JAK1: variants seen among roughly 807,000 people sequenced by gnomAD.
The protein encoded by JAK1 is tyrosine-protein kinase JAK1.
In JAK1, 16 loss-of-function variants were observed where a neutral mutation model predicts 136.6. The ratio of observed to expected loss-of-function variants is 0.12; its 90% confidence interval spans 0.08 to 0.18. The LOEUF (loss-of-function observed/expected upper bound fraction) is 0.18, where lower values mean the gene tolerates loss of function less well. Ranked by LOEUF, JAK1 falls within the 10% of genes least tolerant of loss-of-function variation. The probability of loss-of-function intolerance (pLI) is 1.00; values close to 1 mark genes in which losing one functional copy is unlikely to be tolerated. For synonymous variants in JAK1, 492 were observed against 519.5 expected, an observed-to-expected ratio of 0.95 and a Z score of 0.72; for missense variants, 859 against 1,450.1, an observed-to-expected ratio of 0.59 and a Z score of 6.62.
At chr1:64,997,516 T>TA (rs34238705) in intron 2 of JAK1, among the ~76,000 whole-genome samples, 2 of 152,008 alleles carry the variant, frequency 1.3e-5, no homozygotes, top group African/African-American at 4.8e-5. Context: ...GGTAGGTGGT[T>TA]AAAAAAAATC....
chr1:64,931,023 G>T (rs1443419989), intron 1 of JAK1, among the ~76,000 whole-genome samples: 11 of 152,042 alleles, frequency 7.2e-5, no homozygotes, highest in African/African-American at 2.7e-4. Flanking sequence ...GGGGTGGGAT[G>T]GCATTAGGAG....
chr1:64,871,146 C>G (rs1224802288), intron 5 of JAK1, among the ~76,000 whole-genome samples: 2 of 152,304 alleles, frequency 1.3e-5, no homozygotes, highest in African/African-American at 4.8e-5. Flanking sequence ...TTTTTCCACA[C>G]AGTATCTGCC....
At chr1:64,846,803 G>T in intron 13 of JAK1, 67 bp from the exon 14 acceptor site, 1 of 1,265,190 alleles carries the variant, frequency 7.9e-7, no homozygotes, top group Non-Finnish European at 1.1e-6. Flanking sequence ...CAGGGGCTCT[G>T]TTGAGGGGAA....
intron 4 of JAK1, among the ~76,000 whole-genome samples, chr1:64,876,966 CTG>C (rs1242341493): frequency 6.6e-6 from 1 of 152,120 alleles, no homozygotes; most frequent in Non-Finnish European, 1.5e-5. Context: ...TTTTAATGGA[CTG>C]TGAAATTCAA....
chr1:64,846,414 TCTTG>T (rs1655233413), intron 14 of JAK1, among the ~76,000 whole-genome samples: 3 of 127,356 alleles, frequency 2.4e-5, no homozygotes. Context: ...AGTGTAGGGT[TCTTG>T]GCCAGCGTTG....
chr1:64,855,465 A>G (rs956824767), intron 11 of JAK1, 44 bp downstream of exon 11: 2 of 1,590,118 alleles, frequency 1.3e-6, no homozygotes, highest in East Asian at 2.2e-5. Flanking sequence ...GTCTCAGCAC[A>G]TTACTGATGG....
chr1:64,876,969 T>C (rs907775135), intron 4 of JAK1, among the ~76,000 whole-genome samples: 1 of 152,220 alleles, frequency 6.6e-6, no homozygotes, highest in Non-Finnish European at 1.5e-5. Context: ...TAATGGACTG[T>C]GAAATTCAAT....
rs56881589 is a variant in JAK1 at position 64,878,561 on chromosome 1, GTATATATATATATATATATATA to G, written c.329+442_329+463del. Among the ~76,000 whole-genome samples the G allele has an allele frequency of 6.5e-3, 782 of 119,990 alleles. 10 individuals are homozygous for G. The highest frequency in any genetic ancestry group is 0.016 in the South Asian group (56 of 3,454). The allele number at this position is 119,990 out of a possible 152,430, so 78.7% of individuals were successfully genotyped here. On this transcript the variant is annotated intron_variant, in intron 4 of 24. Transcript: ENST00000342505. ...ATCATGACCTTTATATATATAGTGTGTATATATATATATATATATATATATATATATATATATATATATATCT... is the reference window on the plus strand; with the variant it reads ...ATCATGACCTTTATATATATAGTGTGTATATATATATATATATATATATCT...
chr1:64,930,080 A>G (rs1645661675), intron 1 of JAK1, among the ~76,000 whole-genome samples: 1 of 151,978 alleles, frequency 6.6e-6, no homozygotes, highest in Non-Finnish European at 1.5e-5. Flanking sequence ...CATAATCAGG[A>G]CACAGGCATG....
At chr1:64,953,316 ACACAGTC>A (rs1339776641) in intron 1 of JAK1, among the ~76,000 whole-genome samples, 2 of 149,530 alleles carry the variant, frequency 1.3e-5, no homozygotes, top group Non-Finnish European at 3.0e-5. Flanking sequence ...TGACAGGTCT[ACACAGTC>A]CATTTACAAT....
At chr1:64,938,416 C>G (rs372576518) in intron 1 of JAK1, among the ~76,000 whole-genome samples, 44 of 152,100 alleles carry the variant, frequency 2.9e-4, no homozygotes, top group African/African-American at 1.0e-3. Flanking sequence ...GAAACAAGAC[C>G]CAGAAGCATT....
upstream of JAK1, among the ~76,000 whole-genome samples, chr1:64,968,931 C>CAAAAA (rs10708307): frequency 3.1e-5 from 2 of 64,048 alleles, no homozygotes; most frequent in Non-Finnish European, 5.9e-5. Context: ...GACTCCCTCT[C>CAAAAA]AAAAAAAAAA....
chr1:64,913,189 A>G (rs963827494), intron 1 of JAK1, among the ~76,000 whole-genome samples: 3 of 152,034 alleles, frequency 2.0e-5, no homozygotes, highest in Non-Finnish European at 4.4e-5. Flanking sequence ...ACGCCTGGCT[A>G]ATTTTTCTAT....
intron 1 of JAK1, among the ~76,000 whole-genome samples, chr1:64,917,655 G>A (rs1570770409): frequency 6.6e-6 from 1 of 152,264 alleles, no homozygotes; most frequent in East Asian, 1.9e-4. Context: ...ATGCACTGAT[G>A]AAATTCCTGT....
At chr1:65,046,820 G>T (rs1325786596) in intron 1 of JAK1, among the ~76,000 whole-genome samples, 2 of 150,608 alleles carry the variant, frequency 1.3e-5, no homozygotes, top group Admixed American at 1.3e-4. Flanking sequence ...AAAGTGCTGG[G>T]ATTACAGGTG....
At chr1:64,839,883 C>T in intron 19 of JAK1, 88 bp from the exon 20 acceptor site, 1 of 1,139,452 alleles carries the variant, frequency 8.8e-7, no homozygotes, top group Non-Finnish European at 1.2e-6. Context: ...ACAGCCGTTC[C>T]CCTGAGGGCC....
chr1:65,014,308 G>T (rs569460490), intron 2 of JAK1, among the ~76,000 whole-genome samples: 1 of 150,674 alleles, frequency 6.6e-6, no homozygotes. Flanking sequence ...ATACTCAAGA[G>T]GCCAAACAAA....
At chr1:65,012,056 A>C (rs1003240504) in intron 2 of JAK1, among the ~76,000 whole-genome samples, 5 of 152,254 alleles carry the variant, frequency 3.3e-5, no homozygotes, top group South Asian at 2.1e-4. Flanking sequence ...AAAGGCACTC[A>C]GATGTTCCTG....
intron 20 of JAK1, among the ~76,000 whole-genome samples, chr1:64,839,065 G>A (rs969588378): frequency 1.4e-5 from 2 of 143,432 alleles, no homozygotes; most frequent in Non-Finnish European, 3.0e-5. Context: ...AGAATGGCGT[G>A]AACCCGGGAG....
Sources: gnomAD v4.1 joint callset for allele counts (sites outside exome capture counted in the v4.1 genomes callset) on GRCh38, gnomAD v4.1.1 for gene constraint, MANE v1.5 for transcripts, NCBI Gene and HGNC (gene_info 2026-07-23, HGNC 2026-07-21) for gene names.